The following COL23A1 variants were observed in gnomAD, a reference collection of about 807,000 sequenced individuals.
COL23A1 encodes collagen alpha-1(XXIII) chain.
In COL23A1, 97 loss-of-function variants were observed where a neutral mutation model predicts 99.3. The ratio of observed to expected loss-of-function variants is 0.98; its 90% CI spans 0.83 to 1.16. The LOEUF is 1.16. COL23A1 is among the 50% of genes most tolerant of loss of function. COL23A1 has a pLI of 0.00. For synonymous variants in COL23A1, 320 were observed against 308.2 expected (o/e 1.04, Z -0.40); for missense variants, 762 against 757.4 (o/e 1.01, Z -0.07).
At chr5:178,581,017 TAA>T (rs573818334) in intron 1 of COL23A1, among the ~76,000 whole-genome samples, 1 of 151,928 alleles carries the variant, frequency 6.6e-6, no homozygotes, top group Admixed American at 6.6e-5. Flanking sequence ...CAAAAAGAAA[TAA>T]AGTTTCCACA....
chr5:178,460,360 C>T (rs1205385387), intron 2 of COL23A1, among the ~76,000 whole-genome samples: 1 of 152,022 alleles, frequency 6.6e-6, no homozygotes, highest in Non-Finnish European at 1.5e-5. Flanking sequence ...CACTGCCCAT[C>T]CCAGTAGGAT....
chr5:178,555,260 G>T (rs772249767), intron 2 of COL23A1, among the ~76,000 whole-genome samples: 1 of 152,172 alleles, frequency 6.6e-6, no homozygotes, highest in Non-Finnish European at 1.5e-5. Flanking sequence ...TCCAAACACA[G>T]TCCCATTCTG....
chr5:178,501,795 G>A (rs1758551235), intron 2 of COL23A1, among the ~76,000 whole-genome samples: 1 of 152,164 alleles, frequency 6.6e-6, no homozygotes, highest in Admixed American at 6.5e-5. Context: ...CCCACCTGGG[G>A]CACCACTGGA....
intron 2 of COL23A1, among the ~76,000 whole-genome samples, chr5:178,356,103 C>T (rs187322218): frequency 2.6e-5 from 4 of 152,272 alleles, no homozygotes; most frequent in East Asian, 3.9e-4. Flanking sequence ...CAGTGACAGA[C>T]GCAGGCACAG....
At chr5:178,279,631 C>G (rs141480046) in intron 5 of COL23A1, among the ~76,000 whole-genome samples, 1,544 of 152,276 alleles carry the variant, frequency 0.01, 30 homozygotes, top group African/African-American at 0.036. Flanking sequence ...TCCAGCCACC[C>G]GGGGTGGAAC....
At chr5:178,566,936 T>C (rs180862750) in intron 1 of COL23A1, among the ~76,000 whole-genome samples, 2 of 152,338 alleles carry the variant, frequency 1.3e-5, no homozygotes, top group Non-Finnish European at 2.9e-5. Flanking sequence ...GTTAGCAATT[T>C]TGAAACTACT....
chr5:178,573,138 T>G (rs1300313032), intron 1 of COL23A1, among the ~76,000 whole-genome samples: 2 of 152,194 alleles, frequency 1.3e-5, no homozygotes, highest in Non-Finnish European at 2.9e-5. Context: ...GAGGGTTTCA[T>G]AGTTGTGCAC....
intron 2 of COL23A1, among the ~76,000 whole-genome samples, chr5:178,320,610 C>T (rs529500027): frequency 3.3e-5 from 5 of 152,314 alleles, no homozygotes; most frequent in Non-Finnish European, 5.9e-5. Context: ...GGAGCTGCTC[C>T]CAAATCCTGG....
intron 2 of COL23A1, among the ~76,000 whole-genome samples, chr5:178,535,216 T>G (rs1255066616): frequency 6.6e-6 from 1 of 152,114 alleles, no homozygotes; most frequent in African/African-American, 2.4e-5. Context: ...TCAAGTGATC[T>G]GCCCGCCTCA....
At chr5:178,303,319 A>C (rs754700756) in intron 3 of COL23A1, among the ~76,000 whole-genome samples, 1 of 152,228 alleles carries the variant, frequency 6.6e-6, no homozygotes, top group Non-Finnish European at 1.5e-5. Flanking sequence ...TTTTAAGGCT[A>C]CCATGAGCTT....
At chr5:178,372,555 T>C (rs1285962212) in intron 2 of COL23A1, among the ~76,000 whole-genome samples, 1 of 151,664 alleles carries the variant, frequency 6.6e-6, no homozygotes, top group Non-Finnish European at 1.5e-5. Context: ...AGGTGGAGAG[T>C]GACAGCCCAG....
At chr5:178,275,677 G>A (rs772485003) in intron 5 of COL23A1, among the ~76,000 whole-genome samples, 9 of 152,052 alleles carry the variant, frequency 5.9e-5, no homozygotes, top group African/African-American at 1.2e-4. Context: ...TAACTGCTCC[G>A]TAGATACCAA....
intron 2 of COL23A1, among the ~76,000 whole-genome samples, chr5:178,480,025 G>A (rs1757247481): frequency 6.6e-6 from 1 of 151,744 alleles, no homozygotes; most frequent in African/African-American, 2.4e-5. Context: ...AGGTATGTGT[G>A]TATCGAAACA....
chr5:178,308,099 CTGTGTGTGTGTCTGTG>C lies in COL23A1; in HGVS notation c.362-1196_362-1181del, dbSNP rs974612928. On this transcript the variant is annotated intron_variant, in intron 2 of 28. Coordinates refer to ENST00000390654, the MANE Select transcript of COL23A1 (RefSeq NM_173465.4). The surrounding 1 kb of genome is among the most constrained non-coding windows in gnomAD (Gnocchi z 5.1). ...TGTCTGTGTTTTTGTGTCTGTGTTT[CTGTGTGTGTGTCTGTG>C]TATGTATGTTTGTGTCTGTGTGTCC... is the stretch of plus-strand genomic sequence containing the variant. 7.3e-5 allele frequency among the ~76,000 whole-genome samples: 11 copies of C among 151,522 alleles called. No individual in the cohort carries two copies. The highest frequency in any genetic ancestry group is 2.7e-4 in the African/African-American group (11 of 41,140).
At chr5:178,584,724 C>A (rs1050463871) in intron 1 of COL23A1, among the ~76,000 whole-genome samples, 1 of 152,108 alleles carries the variant, frequency 6.6e-6, no homozygotes, top group African/African-American at 2.4e-5. Context: ...AGCCAAGGAG[C>A]TGGGGGAAAG....
chr5:178,291,605 T>C (rs2127587712), intron 3 of COL23A1, among the ~76,000 whole-genome samples: 1 of 152,230 alleles, frequency 6.6e-6, no homozygotes, highest in East Asian at 1.9e-4. Flanking sequence ...GGGGTTTGTT[T>C]CCATGTAATG....
chr5:178,512,716 C>T (rs1364199461), intron 2 of COL23A1, among the ~76,000 whole-genome samples: 2 of 152,232 alleles, frequency 1.3e-5, no homozygotes, highest in African/African-American at 2.4e-5. Flanking sequence ...CTGCCGTAAT[C>T]TGCAACTGCA....
intron 2 of COL23A1, among the ~76,000 whole-genome samples, chr5:178,539,220 G>A (rs1007379649): frequency 3.9e-5 from 6 of 152,250 alleles, no homozygotes; most frequent in Admixed American, 2.0e-4. Flanking sequence ...TGAACCGTAC[G>A]GTGTCTGACT....
Position 178,262,257 on chromosome 5 carries a change from G to T in COL23A1, c.640-5C>A, listed in dbSNP as rs370520549. Reference sequence around the variant, plus strand: ...TCCGGGCTCTCCTTTGGGGCCCTGCGGAAGTGTGAGGGGACAGCAGTGAAG... The same window carrying T: ...TCCGGGCTCTCCTTTGGGGCCCTGCTGAAGTGTGAGGGGACAGCAGTGAAG... On this transcript the variant is annotated splice_region_variant and splice_polypyrimidine_tract_variant and intron_variant, in intron 9 of 28. Transcript: ENST00000390654. 2.5e-6 allele frequency: 4 copies of T among 1,579,560 alleles called. No individual in the cohort carries two copies. Among genetic ancestry groups the T allele is most frequent in the South Asian group, 2.3e-5 (2 of 86,072 alleles).
Sources: gnomAD v4.1 joint callset for allele counts (sites outside exome capture counted in the v4.1 genomes callset) on GRCh38, gnomAD v4.1.1 for gene constraint, Gnocchi (gnomAD v3.1) non-coding constraint, MANE v1.5 for transcripts, NCBI Gene and HGNC (gene_info 2026-07-23, HGNC 2026-07-21) for gene names.